The following GALNTL6 variants were observed in gnomAD, a reference collection of about 807,000 sequenced individuals.
GALNTL6 encodes polypeptide N-acetylgalactosaminyltransferase like 6.
Under a neutral mutation model 73.7 loss-of-function variants are expected in GALNTL6, and 46 were observed. The ratio of observed to expected loss-of-function variants is 0.62; its 90% confidence interval spans 0.49 to 0.80. GALNTL6 has a LOEUF of 0.80. Among genes scored for constraint, GALNTL6 ranks in the 30% least tolerant of loss-of-function variants. GALNTL6 has a pLI of 0.00. For missense variants in GALNTL6, 604 were observed against 755.0 expected, an observed-to-expected ratio of 0.80 and a Z score of 2.34; for synonymous variants, 259 against 263.7, an observed-to-expected ratio of 0.98 and a Z score of 0.17.
chr4:172,555,727 G>A (rs1437422247), intron 5 of GALNTL6, among the ~76,000 whole-genome samples: 4 of 151,922 alleles, frequency 2.6e-5, no homozygotes, highest in Non-Finnish European at 5.9e-5. Context: ...AACCCAAGCT[G>A]ATGATGAATT....
intron 5 of GALNTL6, among the ~76,000 whole-genome samples, chr4:172,678,755 TC>T (rs1732450979): frequency 6.6e-6 from 1 of 152,366 alleles, no homozygotes; most frequent in African/African-American, 2.4e-5. Context: ...ATCCATGATG[TC>T]ACTTCTCAGC....
intron 5 of GALNTL6, among the ~76,000 whole-genome samples, chr4:172,675,442 G>C (rs1448827864): frequency 6.6e-6 from 1 of 152,234 alleles, no homozygotes; most frequent in African/African-American, 2.4e-5. Context: ...AGGCAATGCA[G>C]CTGCTGGGGG....
At chr4:172,318,907 G>A (rs1740662473) in intron 4 of GALNTL6, among the ~76,000 whole-genome samples, 1 of 151,970 alleles carries the variant, frequency 6.6e-6, no homozygotes, top group Non-Finnish European at 1.5e-5. Context: ...TTATGATAAG[G>A]ATCAAATAAA....
intron 8 of GALNTL6, among the ~76,000 whole-genome samples, chr4:172,912,076 A>G (rs183180016): frequency 2.4e-4 from 36 of 152,340 alleles, no homozygotes; most frequent in Admixed American, 8.5e-4. Flanking sequence ...ATCAATCTAT[A>G]TAAAGCAAGT....
chr4:171,928,041 T>C (rs1365716722), intron 2 of GALNTL6, among the ~76,000 whole-genome samples: 1 of 152,190 alleles, frequency 6.6e-6, no homozygotes, highest in Admixed American at 6.5e-5. Context: ...AGCCTCTCAA[T>C]AAATATTTGT....
chr4:172,056,632 A>C lies in GALNTL6; in HGVS notation c.139-173024A>C, dbSNP rs539257704. ...TAAAATTAAGTATTATCAGGTTTTTAAACCTAGGCTAATTCATCAAGCAAA... is the reference window on the plus strand; with the variant it reads ...TAAAATTAAGTATTATCAGGTTTTTCAACCTAGGCTAATTCATCAAGCAAA... On this transcript the variant is annotated intron_variant, in intron 2 of 12. Transcript: ENST00000506823. Among the ~76,000 whole-genome samples the C allele has an allele frequency of 5.3e-5, 8 of 152,148 alleles. No individual in the cohort carries two copies. In the East Asian group the frequency reaches 1.5e-3, roughly 29 times the overall value.
intron 4 of GALNTL6, among the ~76,000 whole-genome samples, chr4:172,321,167 AATAT>A (rs1241529733): frequency 6.6e-6 from 1 of 152,136 alleles, no homozygotes; most frequent in African/African-American, 2.4e-5. Flanking sequence ...AATAATAATA[AATAT>A]AGAGTTAGGT....
At chr4:172,640,491 AAATTT>A (rs1222800656) in intron 5 of GALNTL6, among the ~76,000 whole-genome samples, 1 of 152,036 alleles carries the variant, frequency 6.6e-6, no homozygotes, top group African/African-American at 2.4e-5. Flanking sequence ...TTAAAAAGAG[AAATTT>A]ATTTCTCAAA....
chr4:172,410,224 T>G (rs1358835064), intron 5 of GALNTL6, among the ~76,000 whole-genome samples: 1 of 152,014 alleles, frequency 6.6e-6, no homozygotes, highest in African/African-American at 2.4e-5. Context: ...ATTTTTTCCA[T>G]AAAACTTAAT....
At chr4:172,596,854 A>T (rs1327918804) in intron 5 of GALNTL6, among the ~76,000 whole-genome samples, 1 of 152,204 alleles carries the variant, frequency 6.6e-6, no homozygotes, top group African/African-American at 2.4e-5. Flanking sequence ...TCATTATTCA[A>T]ACTTACTATG....
At chr4:172,285,412 G>A (rs981340965) in intron 3 of GALNTL6, among the ~76,000 whole-genome samples, 1 of 152,150 alleles carries the variant, frequency 6.6e-6, no homozygotes, top group African/African-American at 2.4e-5. Context: ...AGGAAAGTCA[G>A]TTATAGTTAA....
intron 9 of GALNTL6, among the ~76,000 whole-genome samples, chr4:172,943,691 A>G (rs1328541292): frequency 6.6e-6 from 1 of 152,210 alleles, no homozygotes; most frequent in Non-Finnish European, 1.5e-5. Context: ...AGAATGAGAG[A>G]AAAAAATGCA....
intron 2 of GALNTL6, among the ~76,000 whole-genome samples, chr4:172,094,112 A>G (rs561453432): frequency 1.3e-5 from 2 of 152,332 alleles, no homozygotes; most frequent in South Asian, 2.1e-4. Context: ...TTCTAGTAAA[A>G]CTGAGGAAGC....
intron 5 of GALNTL6, among the ~76,000 whole-genome samples, chr4:172,727,655 C>G (rs1235663089): frequency 6.6e-6 from 1 of 152,014 alleles, no homozygotes; most frequent in Non-Finnish European, 1.5e-5. Flanking sequence ...ACAAGTAACT[C>G]AATTTGTTGT....
At chr4:172,053,675 C>A (rs1730942282) in intron 2 of GALNTL6, among the ~76,000 whole-genome samples, 1 of 152,070 alleles carries the variant, frequency 6.6e-6, no homozygotes, top group South Asian at 2.1e-4. Flanking sequence ...TAGCTGCTGA[C>A]AAAATTTTCC....
chr4:172,367,165 G>A (rs992087114), intron 5 of GALNTL6, among the ~76,000 whole-genome samples: 9 of 152,094 alleles, frequency 5.9e-5, no homozygotes, highest in African/African-American at 2.2e-4. Context: ...AAAAGTAGTG[G>A]GGAGGGAGAG....
At chr4:172,541,411 G>A (rs1055696796) in intron 5 of GALNTL6, among the ~76,000 whole-genome samples, 3 of 152,176 alleles carry the variant, frequency 2.0e-5, no homozygotes, top group African/African-American at 7.2e-5. Context: ...GTTCCTGGTG[G>A]TGAATCTGTA....
chr4:172,662,120 A>G (rs145928487), intron 5 of GALNTL6, among the ~76,000 whole-genome samples: 14 of 152,130 alleles, frequency 9.2e-5, no homozygotes, highest in African/African-American at 3.4e-4. Context: ...TGGTGTTCAC[A>G]TTAAATTTGA....
intron 2 of GALNTL6, among the ~76,000 whole-genome samples, chr4:172,097,322 T>G (rs969112077): frequency 2.0e-5 from 3 of 152,184 alleles, no homozygotes; most frequent in African/African-American, 7.2e-5. Flanking sequence ...TAGGGGCTTT[T>G]CATATGTTAG....
Sources: gnomAD v4.1 joint callset for allele counts (sites outside exome capture counted in the v4.1 genomes callset) on GRCh38, gnomAD v4.1.1 for gene constraint, MANE v1.5 for transcripts, NCBI Gene and HGNC (gene_info 2026-07-23, HGNC 2026-07-21) for gene names.